The following SPOP variants were observed in gnomAD, a reference collection of about 807,000 sequenced individuals.
SPOP encodes speckle-type POZ protein.
A neutral mutation model predicts 45.6 loss-of-function variants in SPOP; 11 were observed. The ratio of observed to expected loss-of-function variants is 0.24; its 90% CI spans 0.15 to 0.40. The LOEUF (loss-of-function observed/expected upper bound fraction) is 0.40, where lower values mean the gene tolerates loss of function less well. Ranked by LOEUF, SPOP falls within the 10% of genes least tolerant of loss-of-function variation. The probability of loss-of-function intolerance (pLI) is 1.00; values close to 1 mark genes in which losing one functional copy is unlikely to be tolerated. For missense variants in SPOP, 152 were observed against 465.6 expected, an observed-to-expected ratio of 0.33 and a Z score of 6.20; for synonymous variants, 166 against 166.3, an observed-to-expected ratio of 1.00 and a Z score of 0.01.
In SPOP at chr17:49,600,110, G is replaced by T; in HGVS notation, c.*268C>A. 2.1e-6 allele frequency: 1 copy of T among 466,796 alleles called. No individual in the cohort carries two copies. Among genetic ancestry groups the T allele is most frequent in the Non-Finnish European group, 3.9e-6 (1 of 256,138 alleles). The allele number at this position is 466,796 out of a possible 1,614,324, so 28.9% of individuals were successfully genotyped here. A position where few individuals can be genotyped will look rare whatever the true frequency, so the allele number is the denominator to read the frequency against. ...CCACCGCTGGGATATCCTCGGGCCA[G>T]CGCCTAAACTGAATCCCCACAGTAT... is the stretch of plus-strand genomic sequence containing the variant. On this transcript the variant is annotated 3_prime_UTR_variant, in exon 10 of 10. Coordinates refer to ENST00000504102, the MANE Select transcript of SPOP (RefSeq NM_001007228.2). This position sits in a 1 kb window ranked among gnomAD's most constrained non-coding sequence, Gnocchi z 4.2.
rs548343856 is a variant in SPOP at position 49,611,347 on chromosome 17, G to A, written c.591C>T (p.Ser197=). The A allele has an allele frequency of 2.9e-5, 47 of 1,614,166 alleles. No homozygotes were observed. The South Asian group carries it at 5.1e-4, about 17-fold the overall frequency. The change falls in exon 6 of 10, where the codon TCC becomes TCT. Residue 197 remains serine, a synonymous_variant. Coordinates refer to ENST00000504102, the MANE Select transcript of SPOP (RefSeq NM_001007228.2). ...CACACAAGCAGCAGTCTGTGAACCG[G>A]GAATTCTCCCACAGTCCTCCTAACT... ...ADELGGLWEN[S]RFTDCCLCVA... is the part of the protein sequence containing the mutation.
rs2071741672 is a variant in SPOP, at chr17:49,601,623, C to A, written c.980+242G>T. 4 of 417,380 alleles carry A rather than the reference C, an allele frequency of 9.6e-6. No homozygotes were observed. In the East Asian group the frequency reaches 1.7e-4, roughly 18 times the overall value. The allele number at this position is 417,380 out of a possible 1,614,324, so 25.9% of individuals were successfully genotyped here. On this transcript the variant is annotated intron_variant, in intron 9 of 9. Transcript: ENST00000504102. ...ATTTGGGGCATACAGCTTTTTCAGG[C>A]CAGCAAGTTATTTTCATCACTTCGA...
chr17:49,675,253 G>T (rs114665150), intron 1 of SPOP, among the ~76,000 whole-genome samples: 2,137 of 152,072 alleles, frequency 0.014, 63 homozygotes, highest in African/African-American at 0.049. Flanking sequence ...GCTGAATGAT[G>T]GTACATCTAC....
chr17:49,631,057 A>G (rs569280342), intron 1 of SPOP, among the ~76,000 whole-genome samples: 12 of 152,216 alleles, frequency 7.9e-5, no homozygotes, highest in Non-Finnish European at 1.5e-4. Flanking sequence ...AATTGTTACA[A>G]TCTCTGTGAA....
chr17:49,640,316 G>A (rs2072623545), intron 1 of SPOP, among the ~76,000 whole-genome samples: 1 of 151,626 alleles, frequency 6.6e-6, no homozygotes, highest in Admixed American at 6.6e-5. Flanking sequence ...TGTCTATCTA[G>A]CCTCCAATAA....
chr17:49,629,863 C>G (rs76189251), intron 1 of SPOP, among the ~76,000 whole-genome samples: 1,623 of 152,194 alleles, frequency 0.011, 28 homozygotes, highest in African/African-American at 0.038. Context: ...TTACTTATAT[C>G]CATCAGTTTT....
At chr17:49,659,778 T>C (rs2072962882) in intron 1 of SPOP, among the ~76,000 whole-genome samples, 1 of 152,148 alleles carries the variant, frequency 6.6e-6, no homozygotes, top group Non-Finnish European at 1.5e-5. Flanking sequence ...GCATCTCAAA[T>C]TTAACATGTC....
In SPOP at chr17:49,617,055, G is replaced by A. The variant is rs150752870; in HGVS notation, c.480+1926C>T. Among the ~76,000 whole-genome samples the A allele has an allele frequency of 4.4e-3, 667 of 152,324 alleles. 4 individuals carry two copies. Among genetic ancestry groups the A allele is most frequent in the Non-Finnish European group, 7.6e-3 (520 of 68,032 alleles). ...GCCAACTGGCTTCCAAATCAAGACTGTGAAGACAGGGGTTGGAGCAGCTGG... is the reference window on the plus strand; with the variant it reads ...GCCAACTGGCTTCCAAATCAAGACTATGAAGACAGGGGTTGGAGCAGCTGG... On this transcript the variant is annotated intron_variant, in intron 5 of 9. Coordinates refer to ENST00000504102, the MANE Select transcript of SPOP (RefSeq NM_001007228.2).
intron 1 of SPOP, among the ~76,000 whole-genome samples, chr17:49,661,129 C>G (rs376523856): frequency 1.2e-4 from 18 of 152,254 alleles, no homozygotes; most frequent in South Asian, 8.3e-4. Flanking sequence ...ATATGGCACA[C>G]AGTACCTACT....
At chr17:49,649,599 G>A (rs567237270) in intron 1 of SPOP, among the ~76,000 whole-genome samples, 19 of 151,930 alleles carry the variant, frequency 1.3e-4, no homozygotes, top group Non-Finnish European at 2.4e-4. Context: ...TTGGGAGGCC[G>A]AGGCGGGCAG....
At chr17:49,628,087 G>A (rs2072374663) in intron 1 of SPOP, among the ~76,000 whole-genome samples, 1 of 152,186 alleles carries the variant, frequency 6.6e-6, no homozygotes, top group Admixed American at 6.5e-5. Flanking sequence ...CCTACCTGAG[G>A]GTTAGAGTTC....
chr17:49,631,520 G>A (rs1052350822), intron 1 of SPOP, among the ~76,000 whole-genome samples: 2 of 152,250 alleles, frequency 1.3e-5, no homozygotes, highest in South Asian at 2.1e-4. Flanking sequence ...AAAGGAATTA[G>A]CAGCCTTTAC....
rs567394419 is a variant in SPOP at position 49,633,581 on chromosome 17, G to A, written c.-66-10705C>T. Among the ~76,000 whole-genome samples the A allele has an allele frequency of 1.2e-4, 18 of 152,244 alleles. No individual in the cohort carries two copies. In the East Asian group the frequency reaches 2.9e-3, roughly 24 times the overall value. ...TAATGCCAAGTTAAGTTAGGGCAGG[G>A]GGATCATTCCCTTGCCCTAGAAACT... On this transcript the variant is annotated intron_variant, in intron 1 of 9. Coordinates refer to ENST00000504102, the MANE Select transcript of SPOP (RefSeq NM_001007228.2).
At chr17:49,616,370 G>A (rs769489523) in intron 5 of SPOP, among the ~76,000 whole-genome samples, 1 of 152,148 alleles carries the variant, frequency 6.6e-6, no homozygotes, top group Non-Finnish European at 1.5e-5. Flanking sequence ...GCTGAGTGAC[G>A]AATGGGGCAC....
At chr17:49,627,978 T>A (rs1055441069) in intron 1 of SPOP, among the ~76,000 whole-genome samples, 2 of 152,204 alleles carry the variant, frequency 1.3e-5, no homozygotes, top group South Asian at 4.1e-4. Context: ...ATGGGCAAAG[T>A]GTTCATCAGC....
chr17:49,672,855 G>A (rs1009571285), intron 1 of SPOP, among the ~76,000 whole-genome samples: 1 of 152,066 alleles, frequency 6.6e-6, no homozygotes, highest in Non-Finnish European at 1.5e-5. Flanking sequence ...ACTAAGGCAG[G>A]AGAATGGCTT....
At chr17:49,626,211 T>A (rs1418699790) in intron 1 of SPOP, among the ~76,000 whole-genome samples, 1 of 152,224 alleles carries the variant, frequency 6.6e-6, no homozygotes, top group Non-Finnish European at 1.5e-5. Context: ...TTTAAAACTA[T>A]AAGCCCATAT....
chr17:49,627,749 C>G (rs1488538722), intron 1 of SPOP, among the ~76,000 whole-genome samples: 1 of 152,196 alleles, frequency 6.6e-6, no homozygotes, highest in Admixed American at 6.5e-5. Flanking sequence ...GAAACTACTA[C>G]TTTGATCTTG....
intron 1 of SPOP, among the ~76,000 whole-genome samples, chr17:49,671,278 C>A (rs993853717): frequency 6.6e-6 from 1 of 151,206 alleles, no homozygotes; most frequent in Admixed American, 6.6e-5. Context: ...ATATGGTAGA[C>A]AAATAACCTG....
Sources: allele counts gnomAD v4.1 joint callset (sites outside exome capture counted in the v4.1 genomes callset), GRCh38; gene constraint gnomAD v4.1.1; non-coding constraint Gnocchi (gnomAD v3.1); transcripts MANE v1.5; gene names NCBI Gene and HGNC (gene_info 2026-07-23, HGNC 2026-07-21).